DRAM1: variants seen among roughly 807,000 people sequenced by gnomAD.
DRAM1 encodes DNA damage-regulated autophagy modulator protein 1.
A neutral mutation model predicts 28.5 loss-of-function variants in DRAM1; 25 were observed. The ratio of observed to expected loss-of-function variants is 0.88; its 90% CI spans 0.64 to 1.23. The LOEUF is 1.23. DRAM1 is among the 50% of genes most tolerant of loss of function. The pLI, the probability that DRAM1 is intolerant of heterozygous loss-of-function variation, is 0.00. For missense variants in DRAM1, 249 were observed against 299.2 expected (o/e 0.83, Z 1.24); for synonymous variants, 113 against 114.2 (o/e 0.99, Z 0.07).
intron 1 of DRAM1, among the ~76,000 whole-genome samples, chr12:101,885,276 A>G (rs2121019456): frequency 6.6e-6 from 1 of 152,302 alleles, no homozygotes; most frequent in Non-Finnish European, 1.5e-5. Context: ...TTTCACATTT[A>G]ACTTTAAAGA....
intron 3 of DRAM1, chr12:101,901,640 C>T: frequency 1.9e-6 from 1 of 532,982 alleles, no homozygotes; most frequent in Non-Finnish European, 3.3e-6. Context: ...AATCCCAGCA[C>T]TTTGGGAAAC....
chr12:101,921,716 C>A lies in DRAM1; in HGVS notation c.*456C>A. Reference sequence around the variant, plus strand: ...GAATGAACTGTATAATTTTTTTTATCAGGAGAGCACTTATAAAATTCAATT... The same window carrying A: ...GAATGAACTGTATAATTTTTTTTATAAGGAGAGCACTTATAAAATTCAATT... On this transcript the variant is annotated 3_prime_UTR_variant, in exon 7 of 7. Transcript: ENST00000258534. 6.5e-6 allele frequency: 1 copy of A among 153,606 alleles called. No homozygotes were observed. The highest frequency in any genetic ancestry group is 1.4e-5 in the Non-Finnish European group (1 of 69,188). The allele number at this position is 153,606 out of a possible 1,614,324, so 9.5% of individuals were successfully genotyped here. A position where few individuals can be genotyped will look rare whatever the true frequency, so the allele number is the denominator to read the frequency against.
intron 1 of DRAM1, among the ~76,000 whole-genome samples, chr12:101,895,190 T>TTTTTTTTTTTGTTTTTTTTTG (rs1873306704): frequency 5.3e-5 from 4 of 75,896 alleles, no homozygotes; most frequent in Non-Finnish European, 9.7e-5. Flanking sequence ...CTTCAGGTTT[T>TTTTTTTTTTTGTTTTTTTTTG]TTTTTTTTTT....
intron 2 of DRAM1, among the ~76,000 whole-genome samples, chr12:101,898,791 G>A (rs761297007): frequency 3.3e-5 from 5 of 152,158 alleles, no homozygotes; most frequent in Admixed American, 6.5e-5. Flanking sequence ...TAGAGAAAGG[G>A]GACAGGTGGA....
chr12:101,904,409 A>G (rs1594304496), intron 3 of DRAM1, among the ~76,000 whole-genome samples: 1 of 85,460 alleles, frequency 1.2e-5, no homozygotes. Context: ...TTTGAAGCTG[A>G]GTGATAGAGC....
chr12:101,915,989 C>T (rs1306386660), intron 5 of DRAM1, among the ~76,000 whole-genome samples: 2 of 152,188 alleles, frequency 1.3e-5, no homozygotes, highest in Non-Finnish European at 2.9e-5. Flanking sequence ...TACTAGTTCA[C>T]GTTTCAAATA....
At chr12:101,909,371 A>G (rs1455427595) in intron 4 of DRAM1, among the ~76,000 whole-genome samples, 1 of 152,146 alleles carries the variant, frequency 6.6e-6, no homozygotes, top group Non-Finnish European at 1.5e-5. Context: ...ATGTAGGAAC[A>G]CTTTAGTCTC....
intron 1 of DRAM1, among the ~76,000 whole-genome samples, chr12:101,896,544 G>C (rs1714810573): frequency 6.6e-6 from 1 of 152,004 alleles, no homozygotes; most frequent in African/African-American, 2.4e-5. Flanking sequence ...CAAGAGGATT[G>C]CTTGAGCTCA....
At chr12:101,909,139 T>C (rs1873939854) in intron 4 of DRAM1, among the ~76,000 whole-genome samples, 1 of 151,918 alleles carries the variant, frequency 6.6e-6, no homozygotes, top group South Asian at 2.1e-4. Flanking sequence ...CACATGCCTG[T>C]AATCCCAGCT....
rs574722379 is a variant in DRAM1, at chr12:101,895,186, G to GTTTTTT, written c.132-2652_132-2647dup. Among the ~76,000 whole-genome samples, 80 of 75,720 alleles carry GTTTTTT rather than the reference G, an allele frequency of 1.1e-3. 6 individuals carry two copies. Among genetic ancestry groups the GTTTTTT allele is most frequent in the East Asian group, 5.9e-3 (9 of 1,516 alleles). The allele number at this position is 75,720 out of a possible 152,430, so 49.7% of individuals were successfully genotyped here. ...TAATGCTAAATTCGAAACCCTTCAGGTTTTTTTTTTTTTTTTTTTTTTTTT... is the reference window on the plus strand; with the variant it reads ...TAATGCTAAATTCGAAACCCTTCAGGTTTTTTTTTTTTTTTTTTTTTTTTTTTTTTT... On this transcript the variant is annotated intron_variant, in intron 1 of 6. Transcript: ENST00000258534.
At chr12:101,889,456 C>T (rs992053914) in intron 1 of DRAM1, among the ~76,000 whole-genome samples, 4 of 141,498 alleles carry the variant, frequency 2.8e-5, no homozygotes, top group South Asian at 2.2e-4. Context: ...AGAAAAGAGA[C>T]GAGATGAGAC....
chr12:101,907,754 C>CAAA (rs1488573752), intron 3 of DRAM1, among the ~76,000 whole-genome samples: 1 of 152,040 alleles, frequency 6.6e-6, no homozygotes, highest in East Asian at 1.9e-4. Flanking sequence ...ACAACAACAA[C>CAAA]AAAAAAAGAA....
At chr12:101,889,224 A>C (rs901647369) in intron 1 of DRAM1, among the ~76,000 whole-genome samples, 1 of 152,222 alleles carries the variant, frequency 6.6e-6, no homozygotes, top group Non-Finnish European at 1.5e-5. Flanking sequence ...TGGCTCCAGA[A>C]GAAATAGCTG....
chr12:101,923,461 G>T lies in DRAM1; in HGVS notation c.*2201G>T, dbSNP rs1357254372. ...GCCACAATGAACAGAGTGCCTCCTG[G>T]TACACTGTAGGAGCTTAAGAAATAC... On this transcript the variant is annotated 3_prime_UTR_variant, in exon 7 of 7. Transcript: ENST00000258534. 2.6e-5 allele frequency: 4 copies of T among 152,162 alleles called. No homozygotes were observed. The highest frequency in any genetic ancestry group is 9.7e-5 in the African/African-American group (4 of 41,424). 9.4% of individuals were successfully genotyped at this position (152,162 alleles called of 1,614,324 possible).
At chr12:101,890,648 G>C (rs1873083142) in intron 1 of DRAM1, among the ~76,000 whole-genome samples, 1 of 152,114 alleles carries the variant, frequency 6.6e-6, no homozygotes, top group African/African-American at 2.4e-5. Context: ...AAAATTGCTT[G>C]TGGGTAGTGA....
chr12:101,884,932 TG>T (rs1259193165), intron 1 of DRAM1, among the ~76,000 whole-genome samples: 55 of 150,968 alleles, frequency 3.6e-4, no homozygotes, highest in East Asian at 1.9e-3. Flanking sequence ...ATAGAGAAAA[TG>T]TTTTTTTTTT....
rs1555280928 is a variant in DRAM1 at position 101,883,944 on chromosome 12, A to AAT, written c.131+6025_131+6026insTA. Among the ~76,000 whole-genome samples the AAT allele has an allele frequency of 5.2e-3, 785 of 150,572 alleles. 10 individuals are homozygous for AAT. The highest frequency in any genetic ancestry group is 0.018 in the African/African-American group (750 of 40,792). ...GCGAGACTCTTTCTCAAAAAAAAAA[A>AAT]AAATAAATAAATACAAAATAAAAAC... On this transcript the variant is annotated intron_variant, in intron 1 of 6. Coordinates refer to ENST00000258534, the MANE Select transcript of DRAM1 (RefSeq NM_018370.3).
intron 4 of DRAM1, among the ~76,000 whole-genome samples, chr12:101,910,991 G>A (rs958496265): frequency 2.0e-5 from 3 of 151,912 alleles, no homozygotes; most frequent in Non-Finnish European, 4.4e-5. Context: ...ATCCCAGCAC[G>A]TTGGGAGGCC....
At chr12:101,897,519 CT>C (rs199615801) in intron 1 of DRAM1, among the ~76,000 whole-genome samples, 8 of 134,074 alleles carry the variant, frequency 6.0e-5, no homozygotes, top group African/African-American at 5.7e-5. Context: ...GATTTTAGAT[CT>C]TTTTTTTTTG....
Sources: gnomAD v4.1 joint callset for allele counts (sites outside exome capture counted in the v4.1 genomes callset) on GRCh38, gnomAD v4.1.1 for gene constraint, MANE v1.5 for transcripts, NCBI Gene and HGNC (gene_info 2026-07-23, HGNC 2026-07-21) for gene names.